Variants in PCDHA3 observed in about 807,000 individuals in gnomAD.
PCDHA3 encodes the protein protocadherin alpha 3, also known as protocadherin alpha-3.
PCDHA3 carries 41 observed loss-of-function variants against 62.2 expected under a neutral mutation model. The ratio of observed to expected loss-of-function variants is 0.66; its 90% confidence interval spans 0.51 to 0.86. The LOEUF is 0.86. Ranked by LOEUF, PCDHA3 falls within the 40% of genes least tolerant of loss-of-function variation. PCDHA3 has a pLI of 0.00. For missense variants in PCDHA3, 1,304 were observed against 1,241.2 expected, an observed-to-expected ratio of 1.05 and a Z score of -0.76; for synonymous variants, 640 against 555.4, an observed-to-expected ratio of 1.15 and a Z score of -2.14.
rs1489581574 is a variant in PCDHA3 at position 140,801,313 on chromosome 5, C to A, written c.116C>A (p.Ala39Asp). The change falls in exon 1 of 4, where the codon GCC (alanine) becomes GAC (aspartate). Residue 39 changes from alanine (A) to aspartate (D), a missense_variant. Ala to Asp is a moderately radical substitution (Grantham distance 126, BLOSUM62 -2). Coordinates refer to ENST00000522353, the MANE Select transcript of PCDHA3 (RefSeq NM_018906.3). ...GQLHYSVSEE[A>D]KHGTFVGRIA... ...CTCCACTACTCCGTCTCTGAGGAGG[C>A]CAAGCATGGCACCTTCGTGGGCCGC... 5.0e-6 allele frequency: 8 copies of A among 1,613,184 alleles called. No individual in the cohort carries two copies. The Admixed American group carries it at 1.0e-4, about 20-fold the overall frequency.
chr5:140,808,075 TC>T, intron 1 of PCDHA3: 1 of 1,614,072 alleles, frequency 6.2e-7, no homozygotes, highest in Non-Finnish European at 8.5e-7. Context: ...TTCACATAGA[TC>T]CAATTACTGG....
intron 1 of PCDHA3, chr5:140,827,950 A>T: frequency 7.9e-7 from 1 of 1,270,912 alleles, no homozygotes; most frequent in Non-Finnish European, 1.1e-6. Context: ...CCAACATTCA[A>T]ATTTCTTCTA....
intron 1 of PCDHA3, among the ~76,000 whole-genome samples, chr5:140,890,392 T>C (rs2062624449): frequency 6.6e-6 from 1 of 152,212 alleles, no homozygotes; most frequent in Admixed American, 6.5e-5. Flanking sequence ...TTAGATAATC[T>C]ATAAATTTTA....
chr5:140,876,637 C>T, intron 1 of PCDHA3: 1 of 1,614,206 alleles, frequency 6.2e-7, no homozygotes, highest in Non-Finnish European at 8.5e-7. Context: ...CATCTGCTCA[C>T]TGACACCTCA....
intron 1 of PCDHA3, among the ~76,000 whole-genome samples, chr5:140,897,748 C>G (rs565250286): frequency 6.6e-5 from 10 of 152,214 alleles, no homozygotes; most frequent in Non-Finnish European, 1.5e-4. Flanking sequence ...GTTCTAGATC[C>G]CTGAGGAATC....
intron 1 of PCDHA3, chr5:140,835,435 C>G (rs782068094): frequency 6.2e-7 from 1 of 1,613,788 alleles, no homozygotes; most frequent in Non-Finnish European, 8.5e-7. Context: ...CCACAGTTGA[C>G]TCTCACTTCC....
intron 1 of PCDHA3, chr5:140,875,396 T>TA (rs1256359492): frequency 1.4e-6 from 2 of 1,478,102 alleles, no homozygotes; most frequent in African/African-American, 2.8e-5. Flanking sequence ...CAGAAAAGGG[T>TA]GACTGCTCAT....
intron 1 of PCDHA3, chr5:140,850,587 G>C: frequency 1.3e-6 from 2 of 1,598,490 alleles, no homozygotes; most frequent in Non-Finnish European, 1.7e-6. Flanking sequence ...GGATGTCAAC[G>C]TGTACCTGAT....
chr5:140,836,346 G>A, intron 1 of PCDHA3: 2 of 1,613,696 alleles, frequency 1.2e-6, no homozygotes, highest in Admixed American at 1.7e-5. Context: ...GAAGGACCAC[G>A]GGGAGCCCTC....
At chr5:140,863,208 C>A in intron 1 of PCDHA3, 2 of 990,672 alleles carry the variant, frequency 2.0e-6, no homozygotes, top group Non-Finnish European at 3.1e-6. Flanking sequence ...TGGCGGAGAG[C>A]AGCCAAGCGA....
At chr5:140,877,193 G>A (rs1554169443) in intron 1 of PCDHA3, 1 of 1,613,832 alleles carries the variant, frequency 6.2e-7, no homozygotes, top group Non-Finnish European at 8.5e-7. Context: ...GGCAGCGCAG[G>A]AGGCGCAGTT....
chr5:140,869,963 A>G lies in PCDHA3; in HGVS notation c.2394+66372A>G, dbSNP rs782588471. 11 of 1,613,128 alleles carry G rather than the reference A, an allele frequency of 6.8e-6. No homozygotes were observed. Among genetic ancestry groups the G allele is most frequent in the East Asian group, 2.2e-5 (1 of 44,874 alleles). On this transcript the variant is annotated intron_variant, in intron 1 of 3. Coordinates refer to ENST00000522353, the MANE Select transcript of PCDHA3 (RefSeq NM_018906.3). ...TACTCCTTAATGTCAATTAAGCCCA[A>G]TGGAAGACACTTATTTACACTAGAT...
At chr5:140,915,841 G>A (rs1315300132) in intron 1 of PCDHA3, among the ~76,000 whole-genome samples, 1 of 152,098 alleles carries the variant, frequency 6.6e-6, no homozygotes, top group African/African-American at 2.4e-5. Context: ...GATCAGCAGG[G>A]GGTGACACCA....
rs375652776 is a variant in PCDHA3, at chr5:140,968,862, G to A, written c.2395-10087G>A. The A allele has an allele frequency of 1.9e-5, 31 of 1,614,126 alleles. No individual in the cohort carries two copies. The highest frequency in any genetic ancestry group is 1.5e-4 in the South Asian group (14 of 91,062). The stretch of plus-strand genomic sequence containing the variant: ...ACTCAGAGGCATGTTAAGAGCCCTC[G>A]GACATACTCTGAAATTACCCTTTAT... On this transcript the variant is annotated intron_variant, in intron 1 of 3. Transcript: ENST00000522353.
chr5:140,837,389 T>A (rs1775035247), intron 1 of PCDHA3, among the ~76,000 whole-genome samples: 1 of 151,976 alleles, frequency 6.6e-6, no homozygotes, highest in Non-Finnish European at 1.5e-5. Context: ...TTGTTCCTTG[T>A]TTGTATAAGA....
At chr5:140,911,339 A>G (rs2075428336) in intron 1 of PCDHA3, among the ~76,000 whole-genome samples, 1 of 152,042 alleles carries the variant, frequency 6.6e-6, no homozygotes, top group Non-Finnish European at 1.5e-5. Flanking sequence ...TTTCCAATCA[A>G]TGCCCTCATT....
intron 1 of PCDHA3, chr5:140,836,146 G>A (rs2150254083): frequency 6.2e-7 from 1 of 1,613,806 alleles, no homozygotes. Flanking sequence ...GTGGGCGCGG[G>A]CCATGTGGTG....
At chr5:140,850,932 C>T in intron 1 of PCDHA3, 1 of 1,514,290 alleles carries the variant, frequency 6.6e-7, no homozygotes, top group Non-Finnish European at 8.9e-7. Flanking sequence ...AATTTTTTTT[C>T]TTGAAAGATA....
At chr5:140,959,935 T>C (rs2095518080) in intron 1 of PCDHA3, among the ~76,000 whole-genome samples, 2 of 152,178 alleles carry the variant, frequency 1.3e-5, no homozygotes, top group African/African-American at 4.8e-5. Context: ...CCCCATTACT[T>C]AGGCAGAATA....
Sources: allele counts gnomAD v4.1 joint callset (sites outside exome capture counted in the v4.1 genomes callset), GRCh38; gene constraint gnomAD v4.1.1; transcripts MANE v1.5; gene names NCBI Gene and HGNC (gene_info 2026-07-23, HGNC 2026-07-21).